The following SHANK2 variants were observed in gnomAD, a reference collection of about 807,000 sequenced individuals.
SHANK2 encodes the protein SH3 and multiple ankyrin repeat domains 2, also known as SH3 and multiple ankyrin repeat domains protein 2.
SHANK2 carries 43 observed loss-of-function variants against 133.7 expected under a neutral mutation model. That is an observed-to-expected ratio of 0.32 (90% CI 0.25 to 0.41). The LOEUF (loss-of-function observed/expected upper bound fraction) is 0.41. Ranked by LOEUF, SHANK2 falls within the 10% of genes least tolerant of loss-of-function variation. The probability of loss-of-function intolerance (pLI) is 1.00; values close to 1 mark genes in which losing one functional copy is unlikely to be tolerated. For synonymous variants in SHANK2, 1,017 were observed against 952.8 expected, an observed-to-expected ratio of 1.07 and a Z score of -1.24; for missense variants, 1,994 against 2,235.8, an observed-to-expected ratio of 0.89 and a Z score of 2.18.
At chr11:71,153,326 C>G (rs1410113424) in intron 2 of SHANK2, among the ~76,000 whole-genome samples, 1 of 152,218 alleles carries the variant, frequency 6.6e-6, no homozygotes, top group South Asian at 2.1e-4. Flanking sequence ...AACCCCAGGT[C>G]CATGAACTTC....
intron 8 of SHANK2, among the ~76,000 whole-genome samples, chr11:71,086,130 T>C (rs1951405758): frequency 1.8e-4 from 3 of 16,936 alleles, no homozygotes; most frequent in African/African-American, 4.7e-4. Flanking sequence ...ATATATTAAA[T>C]TATATAATAT....
intron 17 of SHANK2, among the ~76,000 whole-genome samples, chr11:70,656,173 G>T (rs1276806541): frequency 6.6e-6 from 1 of 152,036 alleles, no homozygotes; most frequent in East Asian, 1.9e-4. Flanking sequence ...GCCTAATAAG[G>T]GCCATCTCAA....
At chr11:70,663,151 G>A (rs1277739317) in intron 15 of SHANK2, among the ~76,000 whole-genome samples, 1 of 152,186 alleles carries the variant, frequency 6.6e-6, no homozygotes, top group Admixed American at 6.5e-5. Flanking sequence ...GGCCCCCGTC[G>A]CACAGGGGCA....
intron 12 of SHANK2, among the ~76,000 whole-genome samples, chr11:70,817,893 T>C (rs1555054769): frequency 6.6e-6 from 1 of 152,160 alleles, no homozygotes; most frequent in African/African-American, 2.4e-5. Context: ...CGCCACCACA[T>C]TCAACTAATT....
intron 2 of SHANK2, among the ~76,000 whole-genome samples, chr11:71,191,068 G>T (rs1953783234): frequency 6.6e-6 from 1 of 152,042 alleles, no homozygotes; most frequent in African/African-American, 2.4e-5. Flanking sequence ...GACTTTAGGA[G>T]GCTGAGGCAG....
chr11:70,953,194 G>A (rs1027581262), intron 10 of SHANK2, among the ~76,000 whole-genome samples: 1 of 152,216 alleles, frequency 6.6e-6, no homozygotes, highest in East Asian at 1.9e-4. Context: ...CTAGCAGGAG[G>A]TGTCCGGGCC....
chr11:71,101,310 C>T (rs879991130), intron 6 of SHANK2, among the ~76,000 whole-genome samples: 16 of 152,186 alleles, frequency 1.1e-4, no homozygotes, highest in Non-Finnish European at 1.8e-4. Flanking sequence ...ACTGAAGGCA[C>T]GGCACCTCGC....
intron 8 of SHANK2, 60 bp downstream of exon 8, chr11:71,092,362 C>A (rs1264216678): frequency 2.0e-6 from 3 of 1,538,170 alleles, no homozygotes; most frequent in East Asian, 2.4e-5. Context: ...TCTGCGGGAT[C>A]GGAGGAGAAG....
At chr11:71,245,469 G>C (rs1439667511) in intron 1 of SHANK2, among the ~76,000 whole-genome samples, 5 of 152,164 alleles carry the variant, frequency 3.3e-5, no homozygotes, top group African/African-American at 1.2e-4. Context: ...AAAATGCTAA[G>C]AGAGCAAAAA....
rs943341176 is a variant in SHANK2, at chr11:70,882,692, G to A, written c.1174+13809C>T. 1.3e-5 allele frequency among the ~76,000 whole-genome samples: 2 copies of A among 152,142 alleles called. No individual in the cohort carries two copies. Among genetic ancestry groups the A allele is most frequent in the Non-Finnish European group, 2.9e-5 (2 of 68,028 alleles). On this transcript the variant is annotated intron_variant, in intron 11 of 25. Coordinates refer to ENST00000601538, the MANE Select transcript of SHANK2 (RefSeq NM_012309.5). The surrounding 1 kb of genome is among the most constrained non-coding windows in gnomAD (Gnocchi z 4.2). ...AGGGGTGGCGGTGCAGGGAGAGGAC[G>A]GTGATCCCCACGGCTTTGCTAAAAG...
In SHANK2 at chr11:70,744,159, C is replaced by T. The variant is rs1424621677; in HGVS notation, c.1778-45396G>A. 2.0e-5 allele frequency among the ~76,000 whole-genome samples: 3 copies of T among 152,230 alleles called. No individual in the cohort carries two copies. In the East Asian group the frequency reaches 5.8e-4, roughly 29 times the overall value. On this transcript the variant is annotated intron_variant, in intron 14 of 25. Transcript: ENST00000601538. ...GTGGAAGAACCAGGAACACACAGGG[C>T]CCCAGAGCCACATTCACGCACCTGG...
chr11:70,872,836 C>T (rs1555070448), intron 11 of SHANK2, among the ~76,000 whole-genome samples: 2 of 152,078 alleles, frequency 1.3e-5, no homozygotes, highest in African/African-American at 4.8e-5. Context: ...AGTCTGGGGC[C>T]ACAGTGGAAC....
At chr11:71,155,889 G>A (rs1359696833) in intron 2 of SHANK2, among the ~76,000 whole-genome samples, 4 of 152,204 alleles carry the variant, frequency 2.6e-5, no homozygotes, top group African/African-American at 9.7e-5. Context: ...CCCGGGGCCT[G>A]GAAAAGTGAC....
intron 11 of SHANK2, among the ~76,000 whole-genome samples, chr11:70,831,757 G>C (rs1948729209): frequency 6.6e-6 from 1 of 152,286 alleles, no homozygotes; most frequent in African/African-American, 2.4e-5. Flanking sequence ...GCAAGACTCA[G>C]AGGTGCTCAC....
At chr11:70,521,505 C>T (rs2059329784) in intron 17 of SHANK2, among the ~76,000 whole-genome samples, 1 of 152,164 alleles carries the variant, frequency 6.6e-6, no homozygotes, top group South Asian at 2.1e-4. Flanking sequence ...AAAATTGAAC[C>T]TGCTACTCTC....
At chr11:70,893,226 C>T (rs1237052937) in intron 11 of SHANK2, among the ~76,000 whole-genome samples, 1 of 152,228 alleles carries the variant, frequency 6.6e-6, no homozygotes, top group Non-Finnish European at 1.5e-5. Context: ...AGAAGTTGGG[C>T]AGCTTTCTTA....
At chr11:70,917,405 G>A (rs1012039360) in intron 10 of SHANK2, among the ~76,000 whole-genome samples, 2 of 152,344 alleles carry the variant, frequency 1.3e-5, no homozygotes, top group Non-Finnish European at 2.9e-5. Flanking sequence ...TACACCGTTG[G>A]TGGGAGTGTA....
chr11:70,565,642 G>A (rs2059959196), intron 17 of SHANK2, among the ~76,000 whole-genome samples: 1 of 152,248 alleles, frequency 6.6e-6, no homozygotes, highest in African/African-American at 2.4e-5. Flanking sequence ...GCTGGGGCAA[G>A]TATAGGGCTC....
chr11:70,772,134 A>G (rs1329986012), intron 14 of SHANK2, among the ~76,000 whole-genome samples: 2 of 152,096 alleles, frequency 1.3e-5, no homozygotes, highest in African/African-American at 4.8e-5. Context: ...AACAGTGGGT[A>G]CAAGCCCCCC....
Sources: gnomAD v4.1 joint callset for allele counts (sites outside exome capture counted in the v4.1 genomes callset) on GRCh38, gnomAD v4.1.1 for gene constraint, Gnocchi (gnomAD v3.1) non-coding constraint, MANE v1.5 for transcripts, NCBI Gene and HGNC (gene_info 2026-07-23, HGNC 2026-07-21) for gene names.